ZC2HC1C: variants seen among roughly 807,000 people sequenced by gnomAD.
ZC2HC1C encodes the protein zinc finger C2HC domain-containing protein 1C.
In ZC2HC1C, 25 loss-of-function variants were observed where a neutral mutation model predicts 39.2. The observed-to-expected ratio is 0.64, with a 90% CI of 0.47 to 0.89. ZC2HC1C has a LOEUF of 0.89. Among genes scored for constraint, ZC2HC1C ranks in the 40% least tolerant of loss-of-function variants. The pLI is 0.00. For synonymous variants in ZC2HC1C, 209 were observed against 214.4 expected (o/e 0.97, Z 0.22); for missense variants, 519 against 548.6 (o/e 0.95, Z 0.54).
intron 1 of ZC2HC1C, among the ~76,000 whole-genome samples, chr14:75,070,245 C>T (rs1231773240): frequency 6.6e-6 from 1 of 152,166 alleles, no homozygotes; most frequent in Admixed American, 6.5e-5. Flanking sequence ...ACTTTCTAGT[C>T]AGGTGCTCTT....
rs374280399 is a variant in ZC2HC1C, at chr14:75,071,611, G to A, written c.1038G>A (p.Ser346=). 3.1e-6 allele frequency: 5 copies of A among 1,614,132 alleles called. No homozygotes were observed. The highest frequency in any genetic ancestry group is 1.1e-5 in the South Asian group (1 of 91,078). ...NKIRDPVSEP[S]VEKFSPPSET... is the part of the protein sequence containing the mutation. ...TTCGAGACCCAGTCTCAGAGCCATC[G>A]GTGGAGAAATTCTCCCCGCCTTCAG... is the stretch of plus-strand genomic sequence containing the variant. The change falls in exon 2 of 3, where the codon TCG becomes TCA. Residue 346 remains serine (S), a synonymous_variant. Coordinates refer to ENST00000524913, the MANE Select transcript of ZC2HC1C (RefSeq NM_024643.4).
chr14:75,070,358 A>G (rs1160873786), intron 1 of ZC2HC1C, among the ~76,000 whole-genome samples, 197 bp from the exon 2 acceptor site: 1 of 152,214 alleles, frequency 6.6e-6, no homozygotes, highest in Non-Finnish European at 1.5e-5. Context: ...TTCTACCCTC[A>G]GGGCCTAACA....
At chr14:75,073,338 A>G (rs1396872321) in intron 2 of ZC2HC1C, among the ~76,000 whole-genome samples, 1 of 152,184 alleles carries the variant, frequency 6.6e-6, no homozygotes, top group East Asian at 1.9e-4. Context: ...AATTCACTCT[A>G]TGTCCCACTG....
In ZC2HC1C at chr14:75,078,165, G is replaced by A. The variant is rs61980803; in HGVS notation, c.*601G>A. The A allele has an allele frequency of 6.4e-3, 976 of 152,538 alleles. 5 individuals carry two copies. Among genetic ancestry groups the A allele is most frequent in the Middle Eastern group, 0.014 (4 of 296 alleles). 9.4% of individuals were successfully genotyped at this position (152,538 alleles called of 1,614,324 possible). A position where few individuals can be genotyped will look rare whatever the true frequency, so the allele number is the denominator to read the frequency against. ...TCTTGTCACTGCATGTATGTTCAGA[G>A]TTCCTGTTAACTCTTGCTTTTGTAG... On this transcript the variant is annotated 3_prime_UTR_variant, in exon 3 of 3. Coordinates refer to ENST00000524913, the MANE Select transcript of ZC2HC1C (RefSeq NM_024643.4).
intron 2 of ZC2HC1C, 61 bp downstream of exon 2, chr14:75,071,972 A>G (rs1415773258): frequency 6.6e-7 from 1 of 1,508,884 alleles, no homozygotes; most frequent in East Asian, 2.3e-5. Context: ...CTGTTTTGTC[A>G]TCATCAGTTT....
At chr14:75,075,201 C>G (rs1893613774) in intron 2 of ZC2HC1C, among the ~76,000 whole-genome samples, 1 of 152,208 alleles carries the variant, frequency 6.6e-6, no homozygotes, top group Non-Finnish European at 1.5e-5. Context: ...CTCTCATAAT[C>G]TATCAGTTTG....
rs1276432281 is a variant in ZC2HC1C at position 75,079,966 on chromosome 14, G to T, written c.*2402G>T. ...AGTTGTTTGCTCTCATTTTGCTAAAGAAATAAAACAATAGTCAATGCCTTA... is the reference window on the plus strand; with the variant it reads ...AGTTGTTTGCTCTCATTTTGCTAAATAAATAAAACAATAGTCAATGCCTTA... On this transcript the variant is annotated 3_prime_UTR_variant, in exon 3 of 3. Transcript: ENST00000524913. 4 of 152,224 alleles carry T rather than the reference G, an allele frequency of 2.6e-5. No homozygotes were observed. The highest frequency in any genetic ancestry group is 2.9e-5 in the Non-Finnish European group (2 of 68,036). 9.4% of individuals were successfully genotyped at this position (152,224 alleles called of 1,614,324 possible).
intron 2 of ZC2HC1C, 111 bp downstream of exon 2, chr14:75,072,022 C>T (rs1002275324): frequency 7.7e-6 from 11 of 1,421,254 alleles, no homozygotes; most frequent in Admixed American, 5.6e-5. Context: ...GAAGAATTGA[C>T]GTCTAGAATT....
chr14:75,076,081 A>T (rs2139685087), intron 2 of ZC2HC1C, among the ~76,000 whole-genome samples: 1 of 152,122 alleles, frequency 6.6e-6, no homozygotes, highest in South Asian at 2.1e-4. Flanking sequence ...ACAAAAACAA[A>T]ACAAAACAAA....
At position 75,071,713 on chromosome 14, in the gene ZC2HC1C, C is replaced by T. The variant is rs773041049; in HGVS notation, c.1140C>T (p.Ser380=). Residue 380 remains serine (S), a synonymous_variant, in exon 2 of 3, where the codon AGC becomes AGT. Coordinates refer to ENST00000524913, the MANE Select transcript of ZC2HC1C (RefSeq NM_024643.4). ...LSMAPDSSGS[S]GSIEEPQLGE... ...TGGCACCAGACTCCTCAGGTTCCAGCGGCTCCATTGAAGAGCCACAGCTGG... is the reference window on the plus strand; with the variant it reads ...TGGCACCAGACTCCTCAGGTTCCAGTGGCTCCATTGAAGAGCCACAGCTGG... 8.7e-6 allele frequency: 14 copies of T among 1,614,018 alleles called. No individual in the cohort carries two copies. In the East Asian group the frequency reaches 2.7e-4, roughly 31 times the overall value.
rs201719151 is a variant in ZC2HC1C, at chr14:75,071,639, A to C, written c.1066A>C (p.Thr356Pro). The C allele has an allele frequency of 6.2e-7, 1 of 1,614,206 alleles. No individual in the cohort carries two copies. Among genetic ancestry groups the C allele is most frequent in the African/African-American group, 1.3e-5 (1 of 75,032 alleles). ...GGAGAAATTCTCCCCGCCTTCAGAA[A>C]CACCAGTCGGTGCTTTGCAGGGATC... Reference protein sequence around the residue: ...SVEKFSPPSETPVGALQGSAR... With the variant: ...SVEKFSPPSEPPVGALQGSAR... The change falls in exon 2 of 3, where the codon ACA becomes CCA. Residue 356 changes from threonine (T) to proline (P), a missense_variant. Coordinates refer to ENST00000524913, the MANE Select transcript of ZC2HC1C (RefSeq NM_024643.4).
rs777338351 is a variant in ZC2HC1C at position 75,071,067 on chromosome 14, C to G, written c.494C>G (p.Pro165Arg). ...ACTGATGGGGACCATAATGTCTACC[C>G]AAGGCCCCCTGAGCCGAGAGAGTTT... ...AGTDGDHNVY[P>R]RPPEPREFSS... The change falls in exon 2 of 3, where the codon CCA (proline) becomes CGA (arginine). Residue 165 changes from proline to arginine, a missense_variant. Transcript: ENST00000524913. 6.2e-7 allele frequency: 1 copy of G among 1,614,174 alleles called. No homozygotes were observed. The highest frequency in any genetic ancestry group is 8.5e-7 in the Non-Finnish European group (1 of 1,180,028).
intron 2 of ZC2HC1C, 125 bp from the exon 3 acceptor site, chr14:75,077,407 T>C (rs1893725714): frequency 1.5e-6 from 2 of 1,292,324 alleles, no homozygotes; most frequent in African/African-American, 1.5e-5. Flanking sequence ...CCGCTGTTGC[T>C]CCTTTCCTGT....
intron 2 of ZC2HC1C, among the ~76,000 whole-genome samples, chr14:75,073,880 G>A (rs1893540469): frequency 6.6e-6 from 1 of 152,162 alleles, no homozygotes; most frequent in Admixed American, 6.5e-5. Flanking sequence ...TTCTTTGAGA[G>A]GAACTTTCCC....
chr14:75,072,920 T>C (rs943535669), intron 2 of ZC2HC1C, among the ~76,000 whole-genome samples: 1 of 152,200 alleles, frequency 6.6e-6, no homozygotes, highest in African/African-American at 2.4e-5. Flanking sequence ...AAAGTGCAGA[T>C]GATTGAAGTT....
intron 2 of ZC2HC1C, among the ~76,000 whole-genome samples, chr14:75,072,139 C>G (rs1028471184): frequency 2.6e-5 from 4 of 152,142 alleles, no homozygotes; most frequent in Non-Finnish European, 5.9e-5. Context: ...CTTGGACAGG[C>G]TAAGTAACTT....
chr14:75,073,807 T>G (rs988979032), intron 2 of ZC2HC1C, among the ~76,000 whole-genome samples: 2 of 152,210 alleles, frequency 1.3e-5, no homozygotes, highest in African/African-American at 4.8e-5. Flanking sequence ...TTATAGGAAT[T>G]AGAGTATAAG....
intron 2 of ZC2HC1C, among the ~76,000 whole-genome samples, chr14:75,074,556 A>G (rs981706846): frequency 3.3e-5 from 5 of 151,258 alleles, no homozygotes; most frequent in African/African-American, 1.2e-4. Flanking sequence ...TCAATTTTCT[A>G]CATTACCTGT....
At chr14:75,076,133 C>G (rs1893657778) in intron 2 of ZC2HC1C, among the ~76,000 whole-genome samples, 1 of 152,262 alleles carries the variant, frequency 6.6e-6, no homozygotes, top group Non-Finnish European at 1.5e-5. Flanking sequence ...GTTCCTTCTG[C>G]AACTCTTATT....
Sources: allele counts gnomAD v4.1 joint callset (sites outside exome capture counted in the v4.1 genomes callset), GRCh38; gene constraint gnomAD v4.1.1; transcripts MANE v1.5; gene names NCBI Gene and HGNC (gene_info 2026-07-23, HGNC 2026-07-21).